Variants in ASPRV1 observed in about 807,000 individuals in gnomAD.
ASPRV1 encodes aspartic peptidase retroviral like 1.
ASPRV1 carries 7 observed loss-of-function variants against 11.0 expected under a neutral mutation model. The ratio of observed to expected loss-of-function variants is 0.64; its 90% confidence interval spans 0.36 to 1.20. The LOEUF is 1.20. ASPRV1 is among the 50% of genes most tolerant of loss of function. ASPRV1 has a pLI of 0.02. For synonymous variants in ASPRV1, 136 were observed against 138.4 expected, an observed-to-expected ratio of 0.98 and a Z score of 0.12; for missense variants, 299 against 320.0, an observed-to-expected ratio of 0.93 and a Z score of 0.50.
chr2:70,022,119 G>A, the ASPRV1 span, among the ~76,000 whole-genome samples: 16 of 147,396 alleles, frequency 1.1e-4, no homozygotes, highest in South Asian at 8.7e-4. Flanking sequence ...GGTTCATGCC[G>A]TTCTCCCGCC....
chr2:69,965,336 C>T (rs1457850462), upstream of ASPRV1, among the ~76,000 whole-genome samples: 1 of 152,144 alleles, frequency 6.6e-6, no homozygotes, highest in Admixed American at 6.5e-5. Flanking sequence ...CCTGGCCCAC[C>T]TCAAACACTT....
In ASPRV1 at chr2:69,960,608, C is replaced by T. The variant is rs892980128; in HGVS notation, c.*49G>A. 1.1e-5 allele frequency: 17 copies of T among 1,533,120 alleles called. No homozygotes were observed. Among genetic ancestry groups the T allele is most frequent in the South Asian group, 8.4e-5 (7 of 83,464 alleles). The allele number at this position is 1,533,120 out of a possible 1,614,324, so 95.0% of individuals were successfully genotyped here. On this transcript the variant is annotated 3_prime_UTR_variant, in exon 1 of 1. Transcript: ENST00000320256. ...TGAGGATATGCAACCCCCCCCACAG[C>T]GGTGGGTCTTCCCACCAATATTTAG...
At chr2:69,940,441 T>TG in the ASPRV1 span, 1 of 152,616 alleles carries the variant, frequency 6.6e-6, no homozygotes, top group Non-Finnish European at 1.5e-5. Flanking sequence ...CTCAAGACTT[T>TG]GGAAAAAGCT....
chr2:70,082,427 T>C, the ASPRV1 span, among the ~76,000 whole-genome samples: 1 of 151,706 alleles, frequency 6.6e-6, no homozygotes, highest in Non-Finnish European at 1.5e-5. Flanking sequence ...ACAAAAAAAT[T>C]AGGCCGGGTG....
chr2:69,956,716 G>A (rs372363042), downstream of ASPRV1, among the ~76,000 whole-genome samples: 25 of 152,212 alleles, frequency 1.6e-4, no homozygotes, highest in East Asian at 3.5e-3. Context: ...TACTCATGAC[G>A]GGGGTAAAAT....
Position 69,960,627 on chromosome 2 carries a change from T to A in ASPRV1, c.*30A>T. The stretch of plus-strand genomic sequence containing the variant: ...CCACAGCGGTGGGTCTTCCCACCAA[T>A]ATTTAGGAGGTTAAAGAAAAGGTGG... On this transcript the variant is annotated 3_prime_UTR_variant, in exon 1 of 1. Coordinates refer to ENST00000320256, the MANE Select transcript of ASPRV1 (RefSeq NM_152792.4). The A allele has an allele frequency of 6.3e-7, 1 of 1,582,712 alleles. No individual in the cohort carries two copies. Among genetic ancestry groups the A allele is most frequent in the Non-Finnish European group, 8.6e-7 (1 of 1,166,140 alleles).
the ASPRV1 span, among the ~76,000 whole-genome samples, chr2:70,082,503 G>A: frequency 2.6e-5 from 4 of 151,982 alleles, no homozygotes; most frequent in Admixed American, 6.6e-5. Context: ...CTGAGGTCAG[G>A]AGTTCGAGGC....
In ASPRV1 at chr2:69,960,749, G is replaced by T. The variant is rs756352033; in HGVS notation, c.688C>A (p.Pro230Thr). The change falls in exon 1 of 1, where the codon CCT becomes ACT. Residue 230 changes from proline (P) to threonine (T), a missense_variant. Pro to Thr is a conservative substitution (Grantham distance 38). Coordinates refer to ENST00000320256, the MANE Select transcript of ASPRV1 (RefSeq NM_152792.4). Reference protein sequence around the residue: ...TLKGKKFRLLPVGGSLEDEFD... With the variant: ...TLKGKKFRLLTVGGSLEDEFD... The stretch of plus-strand genomic sequence containing the variant: ...TCATCTTCCAGGGACCCTCCCACAG[G>T]CAGAAGGCGAAACTTCTTCCCTTTC... 6.2e-7 allele frequency: 1 copy of T among 1,614,100 alleles called. No individual in the cohort carries two copies. The highest frequency in any genetic ancestry group is 8.5e-7 in the Non-Finnish European group (1 of 1,180,012).
the ASPRV1 span, among the ~76,000 whole-genome samples, chr2:70,039,499 C>T: frequency 6.6e-6 from 1 of 152,190 alleles, no homozygotes; most frequent in Non-Finnish European, 1.5e-5. Context: ...CTCCAGCTAG[C>T]TGATGGGTTA....
the ASPRV1 span, among the ~76,000 whole-genome samples, chr2:70,009,513 T>C: frequency 6.6e-6 from 1 of 152,054 alleles, no homozygotes; most frequent in South Asian, 2.1e-4. Flanking sequence ...TATTTTTTAG[T>C]GGAGGCAGGG....
the ASPRV1 span, among the ~76,000 whole-genome samples, chr2:70,001,395 G>A: frequency 6.6e-6 from 1 of 152,110 alleles, no homozygotes; most frequent in Middle Eastern, 3.4e-3. Context: ...CCAATGTGGT[G>A]GTGCATGCCT....
chr2:70,036,907 T>C, the ASPRV1 span, among the ~76,000 whole-genome samples: 5 of 152,140 alleles, frequency 3.3e-5, no homozygotes, highest in African/African-American at 9.7e-5. Context: ...CAGTCTCTAC[T>C]CTTCAGGTTC....
chr2:69,965,549 G>A (rs1317863056), upstream of ASPRV1, among the ~76,000 whole-genome samples: 2 of 152,116 alleles, frequency 1.3e-5, no homozygotes, highest in African/African-American at 2.4e-5. Context: ...GGCAGGACAC[G>A]TTTGCTTCAG....
At chr2:70,043,638 G>A in the ASPRV1 span, among the ~76,000 whole-genome samples, 156 of 152,336 alleles carry the variant, frequency 1.0e-3, 1 homozygote, top group African/African-American at 3.7e-3. Flanking sequence ...AGTTGTCCGT[G>A]ACCACCAGCC....
chr2:70,043,491 G>A, the ASPRV1 span, among the ~76,000 whole-genome samples: 2 of 152,106 alleles, frequency 1.3e-5, no homozygotes, highest in African/African-American at 4.8e-5. Flanking sequence ...AGCTCTTTTG[G>A]CTCCACAAAA....
the ASPRV1 span, among the ~76,000 whole-genome samples, chr2:70,072,022 G>A: frequency 0.15 from 22,816 of 151,592 alleles, 2,698 homozygotes; most frequent in East Asian, 0.3. Flanking sequence ...CACGATCTCA[G>A]CTCACTGCTA....
the ASPRV1 span, among the ~76,000 whole-genome samples, chr2:70,047,377 G>A: frequency 6.6e-6 from 1 of 152,188 alleles, no homozygotes; most frequent in African/African-American, 2.4e-5. Flanking sequence ...ACTTTGACAG[G>A]GGAGACAGCC....
At chr2:70,005,824 T>C in the ASPRV1 span, among the ~76,000 whole-genome samples, 4 of 152,084 alleles carry the variant, frequency 2.6e-5, no homozygotes, top group Non-Finnish European at 4.4e-5. Flanking sequence ...TCATTGTTTA[T>C]AAAAAGCTTT....
chr2:70,029,251 T>G, the ASPRV1 span, among the ~76,000 whole-genome samples: 1 of 152,170 alleles, frequency 6.6e-6, no homozygotes, highest in African/African-American at 2.4e-5. Flanking sequence ...TGACAGAAAT[T>G]TGGGATGCTA....
Sources: allele counts gnomAD v4.1 joint callset (sites outside exome capture counted in the v4.1 genomes callset), GRCh38; gene constraint gnomAD v4.1.1; transcripts MANE v1.5; gene names NCBI Gene and HGNC (gene_info 2026-07-23, HGNC 2026-07-21).